The following SORCS1 variants were observed in gnomAD, a reference collection of about 807,000 sequenced individuals.
The protein encoded by SORCS1 is sortilin related VPS10 domain containing receptor 1, also known as VPS10 domain-containing receptor SorCS1.
SORCS1 carries 60 observed loss-of-function variants against 146.1 expected under a neutral mutation model. That is an observed-to-expected ratio of 0.41 (90% CI 0.33 to 0.51). SORCS1 has a LOEUF of 0.51. Among genes scored for constraint, SORCS1 ranks in the 20% least tolerant of loss-of-function variants. SORCS1 has a pLI of 0.21. For missense variants in SORCS1, 1,352 were observed against 1,487.6 expected, an observed-to-expected ratio of 0.91 and a Z score of 1.50; for synonymous variants, 637 against 584.0, an observed-to-expected ratio of 1.09 and a Z score of -1.31.
chr10:107,179,876 C>T, the SORCS1 span, among the ~76,000 whole-genome samples: 4 of 138,434 alleles, frequency 2.9e-5, no homozygotes, highest in Non-Finnish European at 4.7e-5. Context: ...TATTTTTATC[C>T]TCTTAACAGG....
chr10:106,887,915 C>A (rs74152258), intron 2 of SORCS1, among the ~76,000 whole-genome samples: 12,015 of 152,206 alleles, frequency 0.079, 1,350 homozygotes, highest in African/African-American at 0.25. Context: ...GGAGTGACTA[C>A]GTAGACAAAG....
chr10:106,825,269 C>CTT (rs35830829), intron 3 of SORCS1, among the ~76,000 whole-genome samples: 4,926 of 119,108 alleles, frequency 0.041, 243 homozygotes, highest in Non-Finnish European at 0.054. Flanking sequence ...GAGATTTCAA[C>CTT]TTTTTTTTTT....
chr10:106,677,389 G>A lies in SORCS1; in HGVS notation c.1756C>T (p.His586Tyr), dbSNP rs1170850763. Residue 586 changes from histidine (H) to tyrosine (Y), a missense_variant, in exon 13 of 26, where the codon CAC (histidine) becomes TAC (tyrosine). Physicochemically the swap from His to Tyr is moderately conservative, Grantham distance 83. Around this residue, in one of 3 missense-constraint regions of SORCS1, gnomAD observed 648 missense variants for 793.8 expected, o/e 0.82. Transcript: ENST00000263054. ...CCTTGATCCAGGTACAAAACACTGT[G>A]CTCTTCTTCAAAGATCTGGATGAGG... ...NTWRQIFEEE[H>Y]SVLYLDQGGV... 1.2e-6 allele frequency: 2 copies of A among 1,613,776 alleles called. No homozygotes were observed. The highest frequency in any genetic ancestry group is 1.7e-6 in the Non-Finnish European group (2 of 1,179,846).
At chr10:107,024,215 C>T (rs1463176219) in intron 1 of SORCS1, among the ~76,000 whole-genome samples, 2 of 151,582 alleles carry the variant, frequency 1.3e-5, no homozygotes, top group South Asian at 2.1e-4. Context: ...GTTTATTTGG[C>T]CCCTGGTTCT....
intron 3 of SORCS1, among the ~76,000 whole-genome samples, chr10:106,823,503 A>G (rs1303540986): frequency 6.6e-6 from 1 of 152,218 alleles, no homozygotes; most frequent in Non-Finnish European, 1.5e-5. Flanking sequence ...AGGAGTCCAA[A>G]AGCGAACCAA....
intron 1 of SORCS1, among the ~76,000 whole-genome samples, chr10:107,017,668 T>C (rs1245442739): frequency 1.3e-5 from 2 of 152,206 alleles, no homozygotes; most frequent in African/African-American, 4.8e-5. Context: ...TTTCTATATA[T>C]TTTTTGAGAC....
chr10:106,671,267 G>C lies in SORCS1; in HGVS notation c.2159C>G (p.Pro720Arg). 1 of 1,614,046 alleles carries C rather than the reference G, an allele frequency of 6.2e-7. No homozygotes were observed. Among genetic ancestry groups the C allele is most frequent in the Non-Finnish European group, 8.5e-7 (1 of 1,179,974 alleles). Residue 720 changes from proline to arginine, a missense_variant, in exon 16 of 26, where the codon CCC becomes CGC. By Grantham distance (103) the Pro-to-Arg change is moderately radical (BLOSUM62 -2). Coordinates refer to ENST00000263054, the MANE Select transcript of SORCS1 (RefSeq NM_052918.5). ...AAAATCAGCCTCAGTGCAGACACAG[G>C]GTTCAGATTCCATAGCTCCTGCATA... Reference protein sequence around the residue: ...GKYAGAMESEPCVCTEADFDC... With the variant: ...GKYAGAMESERCVCTEADFDC...
rs148857122 is a variant in SORCS1, at chr10:106,709,358, A to G, written c.1025-17T>C. On this transcript the variant is annotated splice_polypyrimidine_tract_variant and intron_variant, in intron 6 of 25. Coordinates refer to ENST00000263054, the MANE Select transcript of SORCS1 (RefSeq NM_052918.5). ...AATGTGAATCTGAAAAACAAAAACA[A>G]AAACAAAAACATGGGGTTGAGGGGG... 533 of 1,547,748 alleles carry G rather than the reference A, an allele frequency of 3.4e-4. 2 individuals are homozygous for G. The African/African-American group carries it at 6.5e-3, about 19-fold the overall frequency.
chr10:106,988,033 CTCACTA>C (rs1956563916), intron 1 of SORCS1, among the ~76,000 whole-genome samples: 1 of 152,182 alleles, frequency 6.6e-6, no homozygotes, highest in South Asian at 2.1e-4. Flanking sequence ...CTTCCTCTCT[CTCACTA>C]TATTACAGAA....
At chr10:106,941,343 C>A (rs1248389465) in intron 2 of SORCS1, among the ~76,000 whole-genome samples, 1 of 152,106 alleles carries the variant, frequency 6.6e-6, no homozygotes, top group Admixed American at 6.6e-5. Context: ...ATCAGTGTCA[C>A]CATAAGCCTA....
intron 2 of SORCS1, among the ~76,000 whole-genome samples, chr10:106,884,603 A>G (rs2053480310): frequency 6.6e-6 from 1 of 152,144 alleles, no homozygotes; most frequent in African/African-American, 2.4e-5. Context: ...GAAAAGGTCA[A>G]TTTCTAACAT....
chr10:107,019,684 T>A (rs1958049624), intron 1 of SORCS1, among the ~76,000 whole-genome samples: 2 of 152,194 alleles, frequency 1.3e-5, no homozygotes, highest in African/African-American at 4.8e-5. Flanking sequence ...AAGGTATAAC[T>A]ATAATTTCAG....
intron 1 of SORCS1, among the ~76,000 whole-genome samples, chr10:107,070,613 T>C (rs901295896): frequency 1.3e-5 from 2 of 152,356 alleles, no homozygotes; most frequent in African/African-American, 4.8e-5. Context: ...TCATCGTTTA[T>C]AAAATCCATT....
chr10:106,670,447 C>T (rs1310399340), intron 16 of SORCS1, among the ~76,000 whole-genome samples: 2 of 152,184 alleles, frequency 1.3e-5, no homozygotes, highest in Admixed American at 1.3e-4. Context: ...TTTGCAATGC[C>T]ATTGAATCCA....
intron 1 of SORCS1, among the ~76,000 whole-genome samples, chr10:106,987,190 T>C (rs149318827): frequency 6.6e-6 from 1 of 152,226 alleles, no homozygotes; most frequent in African/African-American, 2.4e-5. Flanking sequence ...ACTCTTTGGA[T>C]TTTCACTTAG....
chr10:106,859,167 C>T (rs919025411), intron 2 of SORCS1, among the ~76,000 whole-genome samples: 18 of 152,204 alleles, frequency 1.2e-4, no homozygotes, highest in African/African-American at 4.1e-4. Flanking sequence ...CCACAGTTTT[C>T]TTCCCAGGGA....
intron 1 of SORCS1, among the ~76,000 whole-genome samples, chr10:107,076,396 C>T (rs61867228): frequency 0.18 from 26,930 of 152,012 alleles, 2,564 homozygotes; most frequent in South Asian, 0.21. Flanking sequence ...TTGGTTAACA[C>T]CTATTAATAT....
chr10:106,798,096 T>C (rs1354797704), intron 3 of SORCS1, among the ~76,000 whole-genome samples: 2 of 152,144 alleles, frequency 1.3e-5, no homozygotes, highest in Admixed American at 6.5e-5. Flanking sequence ...ATCTTCTCCA[T>C]GCTGTTCTTG....
intron 4 of SORCS1, among the ~76,000 whole-genome samples, chr10:106,764,674 TA>T (rs1859414343): frequency 6.6e-6 from 1 of 152,158 alleles, no homozygotes; most frequent in African/African-American, 2.4e-5. Flanking sequence ...AAAGAGTACT[TA>T]AACTAGTTTT....
Sources: gnomAD v4.1 joint callset for allele counts (sites outside exome capture counted in the v4.1 genomes callset) on GRCh38, gnomAD v4.1.1 for gene constraint, gnomAD v4.1.1 regional missense constraint, MANE v1.5 for transcripts, NCBI Gene and HGNC (gene_info 2026-07-23, HGNC 2026-07-21) for gene names.